The following DNMT1 variants were observed in gnomAD, a reference collection of about 807,000 sequenced individuals.
DNMT1 encodes the protein DNA (cytosine-5)-methyltransferase 1.
In DNMT1, 24 loss-of-function variants were observed where a neutral mutation model predicts 205.3. The observed-to-expected ratio is 0.12, with a 90% CI of 0.08 to 0.16. The LOEUF is 0.16. Among genes scored for constraint, DNMT1 ranks in the 10% least tolerant of loss-of-function variants. The probability of loss-of-function intolerance (pLI) is 1.00; values close to 1 mark genes in which losing one functional copy is unlikely to be tolerated. For missense variants in DNMT1, 1,293 were observed against 2,177.7 expected (o/e 0.59, Z 8.09); for synonymous variants, 817 against 839.8 (o/e 0.97, Z 0.47).
In DNMT1 at chr19:10,136,166, G is replaced by A; in HGVS notation, c.4611C>T (p.Gly1537=). The part of the protein sequence containing the change: ...AGLYGRLEWD[G]FFSTTVTNPE... ...GGTTGGTGACGGTTGTGCTGAAGAA[G>A]CCGTCCCACTCGAGCCTTCCATAGA... Residue 1537 remains glycine (G), a synonymous_variant, in exon 38 of 41, where the codon GGC becomes GGT. Transcript: ENST00000359526. The A allele has an allele frequency of 6.2e-7, 1 of 1,614,104 alleles. No homozygotes were observed. The highest frequency in any genetic ancestry group is 1.6e-4 in the Middle Eastern group (1 of 6,062).
intron 1 of DNMT1, among the ~76,000 whole-genome samples, chr19:10,187,108 G>C (rs571327747): frequency 1.4e-4 from 22 of 151,886 alleles, no homozygotes; most frequent in African/African-American, 5.3e-4. Context: ...ACAGTCGGAG[G>C]GAGGGCAAAA....
At chr19:10,168,214 A>G in intron 10 of DNMT1, 116 bp downstream of exon 10, 1 of 1,203,828 alleles carries the variant, frequency 8.3e-7, no homozygotes, top group South Asian at 1.2e-5. Flanking sequence ...ACTTGCCCAC[A>G]TAAGAGACAT....
Position 10,151,050 on chromosome 19 carries a change from G to A in DNMT1, c.2265+348C>T, listed in dbSNP as rs1049786892. ...GCAGAGGTTGCAGCGAGCTGAGATCGTGCCACTGCACTCCAGCCTGGGTGA... is the reference window on the plus strand; with the variant it reads ...GCAGAGGTTGCAGCGAGCTGAGATCATGCCACTGCACTCCAGCCTGGGTGA... On this transcript the variant is annotated intron_variant, in intron 24 of 40. Coordinates refer to ENST00000359526, the MANE Select transcript of DNMT1 (RefSeq NM_001130823.3). This position sits in a 1 kb window ranked among gnomAD's most constrained non-coding sequence, Gnocchi z 5.0. 2.0e-5 allele frequency among the ~76,000 whole-genome samples: 3 copies of A among 152,160 alleles called. No individual in the cohort carries two copies. The highest frequency in any genetic ancestry group is 2.9e-5 in the Non-Finnish European group (2 of 68,028).
chr19:10,185,594 A>AG, intron 1 of DNMT1, among the ~76,000 whole-genome samples: 1 of 152,228 alleles, frequency 6.6e-6, no homozygotes, highest in South Asian at 2.1e-4. Context: ...TGGGAGGCCA[A>AG]GGCAGGAGGA....
intron 13 of DNMT1, among the ~76,000 whole-genome samples, chr19:10,161,410 A>C (rs1364123091): frequency 1.3e-5 from 2 of 152,226 alleles, no homozygotes; most frequent in Admixed American, 6.5e-5. Context: ...GCACTTGAAG[A>C]AGCCCAGGTG....
intron 13 of DNMT1, among the ~76,000 whole-genome samples, chr19:10,161,823 A>G (rs1230641108): frequency 6.6e-6 from 1 of 152,084 alleles, no homozygotes; most frequent in African/African-American, 2.4e-5. Flanking sequence ...GCCCCATCCA[A>G]TAAGACCAAT....
intron 5 of DNMT1, 64 bp downstream of exon 5, chr19:10,180,123 G>A: frequency 1.7e-6 from 1 of 579,420 alleles, no homozygotes; most frequent in South Asian, 1.9e-5. Context: ...GGACCAGCCT[G>A]GCCAACATGG....
In DNMT1 at chr19:10,133,645, C is replaced by T; in HGVS notation, c.*22G>A. 1.9e-6 allele frequency: 3 copies of T among 1,595,806 alleles called. No homozygotes were observed. Among genetic ancestry groups the T allele is most frequent in the Non-Finnish European group, 2.6e-6 (3 of 1,170,286 alleles). ...TGTTGGGGATTCCTGGTGCCAGAAA[C>T]AGGGGTGACGGGAGGGCAGAACTAG... On this transcript the variant is annotated 3_prime_UTR_variant, in exon 41 of 41. Coordinates refer to ENST00000359526, the MANE Select transcript of DNMT1 (RefSeq NM_001130823.3). The surrounding 1 kb of genome is among the most constrained non-coding windows in gnomAD (Gnocchi z 4.1).
chr19:10,137,630 G>T lies in DNMT1; in HGVS notation c.4293+202C>A. On this transcript the variant is annotated intron_variant, in intron 36 of 40. Transcript: ENST00000359526. The surrounding 1 kb of genome is among the most constrained non-coding windows in gnomAD (Gnocchi z 6.4). ...TGGGCAGTGGCTTGACACCATTCCA[G>T]ACCAAGTCCAGGACTGCGGGAGCTC... 1.3e-6 allele frequency: 1 copy of T among 773,438 alleles called. No individual in the cohort carries two copies. The highest frequency in any genetic ancestry group is 2.1e-6 in the Non-Finnish European group (1 of 476,044). 47.9% of individuals were successfully genotyped at this position (773,438 alleles called of 1,614,324 possible).
intron 22 of DNMT1, among the ~76,000 whole-genome samples, chr19:10,153,707 A>T (rs1471521719): frequency 6.6e-6 from 1 of 152,152 alleles, no homozygotes; most frequent in Non-Finnish European, 1.5e-5. Flanking sequence ...TAACCAAGAA[A>T]AATAAAATAA....
Position 10,151,818 on chromosome 19 carries a change from A to G in DNMT1, c.2049T>C (p.Cys683=), listed in dbSNP as rs1035603642. The G allele has an allele frequency of 6.2e-7, 1 of 1,613,986 alleles. No individual in the cohort carries two copies. Among genetic ancestry groups the G allele is most frequent in the African/African-American group, 1.3e-5 (1 of 74,890 alleles). ...ATTTAACCATGTCCTTGCAGGCTTT[A>G]CATTTCCCACACTCAGGCTGCTGAC... The part of the protein sequence containing the change: ...EVCQQPECGK[C]KACKDMVKFG... The change falls in exon 23 of 41, where the codon TGT becomes TGC. Residue 683 remains cysteine (C), a synonymous_variant. Transcript: ENST00000359526. The surrounding 1 kb of genome is among the most constrained non-coding windows in gnomAD (Gnocchi z 5.0).
At position 10,153,561 on chromosome 19, in the gene DNMT1, C is replaced by T. The variant is rs374570181; in HGVS notation, c.2019+732G>A. ...CTGAGGTGGGAGAACTGATTGAACC[C>T]GGGAGGCGGAGGTTACGGTGAGCTG... On this transcript the variant is annotated intron_variant, in intron 22 of 40. Transcript: ENST00000359526. Among the ~76,000 whole-genome samples the T allele has an allele frequency of 7.4e-4, 112 of 151,496 alleles. 3 individuals are homozygous for T. In the South Asian group the frequency reaches 0.021, roughly 28 times the overall value.
chr19:10,164,844 C>A (rs11666205), intron 11 of DNMT1, among the ~76,000 whole-genome samples: 18,973 of 136,850 alleles, frequency 0.14, 1,773 homozygotes, highest in East Asian at 0.43. Context: ...AGGAGAATCA[C>A]TTGAACCTGG....
chr19:10,141,614 G>A lies in DNMT1; in HGVS notation c.3309+414C>T, dbSNP rs919188. 2.0e-3 allele frequency: 671 copies of A among 338,816 alleles called. 4 individuals carry two copies. Among genetic ancestry groups the A allele is most frequent in the Non-Finnish European group, 2.7e-3 (488 of 179,298 alleles). The allele number at this position is 338,816 out of a possible 1,614,324, so 21.0% of individuals were successfully genotyped here. A position where few individuals can be genotyped will look rare whatever the true frequency, so the allele number is the denominator to read the frequency against. On this transcript the variant is annotated intron_variant, in intron 30 of 40. Transcript: ENST00000359526. ...GCCCTCTCCATAACGAGGGCCACCC[G>A]CACAGGCATGTGGGCTGGGCCTGGA...
In DNMT1 at chr19:10,163,375, A is replaced by AG. The variant is rs763917284; in HGVS notation, c.892-16dup. The AG allele has an allele frequency of 1.2e-6, 2 of 1,613,468 alleles. No individual in the cohort carries two copies. Among genetic ancestry groups the AG allele is most frequent in the East Asian group, 2.2e-5 (1 of 44,880 alleles). ...TTCTTCTCATCCTGACAGAAAAATA[A>AG]GGGGGAGGTAGAGAGATAAAGAAGG... On this transcript the variant is annotated splice_polypyrimidine_tract_variant and intron_variant, in intron 11 of 40. Transcript: ENST00000359526.
At chr19:10,161,167 C>T (rs1000732279) in intron 13 of DNMT1, among the ~76,000 whole-genome samples, 2 of 151,900 alleles carry the variant, frequency 1.3e-5, no homozygotes, top group African/African-American at 2.4e-5. Context: ...TAGTTGGGCG[C>T]GGTGGCGCAT....
rs1339554487 is a variant in DNMT1 at position 10,175,558 on chromosome 19, C to T, written c.630G>A (p.Lys210=). The T allele has an allele frequency of 6.2e-7, 1 of 1,614,028 alleles. No homozygotes were observed. The highest frequency in any genetic ancestry group is 1.7e-5 in the Admixed American group (1 of 59,998). ...SERAKSDESI[K]EEDKDQDEKR... ...GCCCTACCTGGTCTTTGTCTTCTTC[C>T]TTGATGGACTCATCCGATTTGGCTC... is the stretch of plus-strand genomic sequence containing the variant. The change falls in exon 7 of 41, where the codon AAG becomes AAA. Residue 210 remains lysine, a synonymous_variant. Transcript: ENST00000359526.
chr19:10,193,966 G>C (rs1035451213), intron 1 of DNMT1, among the ~76,000 whole-genome samples: 4 of 152,154 alleles, frequency 2.6e-5, no homozygotes, highest in African/African-American at 4.8e-5. Context: ...GTTGGACAGA[G>C]GCATGAACTG....
At position 10,140,916 on chromosome 19, in the gene DNMT1, G is replaced by T. The variant is rs1425319757; in HGVS notation, c.3395-7C>A. The T allele has an allele frequency of 1.9e-6, 3 of 1,613,896 alleles. No individual in the cohort carries two copies. The highest frequency in any genetic ancestry group is 2.5e-6 in the Non-Finnish European group (3 of 1,180,022). On this transcript the variant is annotated splice_polypyrimidine_tract_variant and splice_region_variant and intron_variant, in intron 31 of 40. Coordinates refer to ENST00000359526, the MANE Select transcript of DNMT1 (RefSeq NM_001130823.3). This position sits in a 1 kb window ranked among gnomAD's most constrained non-coding sequence, Gnocchi z 8.4. Reference sequence around the variant, plus strand: ...GACTTGGGCTTGCCCTTCCCTGGGGGAGAGAGGCCAGAGGCTAAACCCGAT... The same window carrying T: ...GACTTGGGCTTGCCCTTCCCTGGGGTAGAGAGGCCAGAGGCTAAACCCGAT...
Sources: gnomAD v4.1 joint callset for allele counts (sites outside exome capture counted in the v4.1 genomes callset) on GRCh38, gnomAD v4.1.1 for gene constraint, Gnocchi (gnomAD v3.1) non-coding constraint, MANE v1.5 for transcripts, NCBI Gene and HGNC (gene_info 2026-07-23, HGNC 2026-07-21) for gene names.